MRTFA: variants seen among roughly 807,000 people sequenced by gnomAD.
The protein encoded by MRTFA is myocardin related transcription factor A, also known as myocardin-related transcription factor A.
In MRTFA, 20 loss-of-function variants were observed where a neutral mutation model predicts 83.5. The ratio of observed to expected loss-of-function variants is 0.24; its 90% CI spans 0.17 to 0.35. The LOEUF (loss-of-function observed/expected upper bound fraction) is 0.35. Ranked by LOEUF, MRTFA falls within the 10% of genes least tolerant of loss-of-function variation. The pLI is 1.00. For synonymous variants in MRTFA, 659 were observed against 541.2 expected, an observed-to-expected ratio of 1.22 and a Z score of -3.02; for missense variants, 1,200 against 1,224.7, an observed-to-expected ratio of 0.98 and a Z score of 0.30.
intron 6 of MRTFA, 126 bp from the exon 7 acceptor site, chr22:40,429,893 C>T (rs2053033345): frequency 9.9e-7 from 1 of 1,007,086 alleles, no homozygotes; most frequent in South Asian, 1.6e-5. Context: ...TAAGCATATT[C>T]CAAGCAGAGA....
At chr22:40,538,983 GC>G (rs1399747623) in intron 3 of MRTFA, among the ~76,000 whole-genome samples, 1 of 135,598 alleles carries the variant, frequency 7.4e-6, no homozygotes. Flanking sequence ...AGGATACACA[GC>G]CTTTTGTTTT....
chr22:40,419,898 C>T (rs1047289729), intron 11 of MRTFA, among the ~76,000 whole-genome samples: 1 of 152,174 alleles, frequency 6.6e-6, no homozygotes, highest in Non-Finnish European at 1.5e-5. Flanking sequence ...GATCACAGGC[C>T]GCTCTCTTCC....
chr22:40,541,032 T>C lies in MRTFA; in HGVS notation c.241+11074A>G, dbSNP rs375361100. ...CATACTGAAGGTGTTATTAGAAAACTACATAAAGTATTGAAGTATGGAGTT... is the reference window on the plus strand; with the variant it reads ...CATACTGAAGGTGTTATTAGAAAACCACATAAAGTATTGAAGTATGGAGTT... On this transcript the variant is annotated intron_variant, in intron 3 of 14. Transcript: ENST00000355630. Among the ~76,000 whole-genome samples the C allele has an allele frequency of 4.6e-5, 7 of 152,160 alleles. No individual in the cohort carries two copies. In the South Asian group the frequency reaches 1.0e-3, roughly 22 times the overall value.
chr22:40,479,161 G>C (rs1160111031), intron 3 of MRTFA, among the ~76,000 whole-genome samples: 2 of 152,138 alleles, frequency 1.3e-5, no homozygotes, highest in African/African-American at 4.8e-5. Context: ...CAGCAGGAAA[G>C]AACTACCTGG....
At chr22:40,556,017 A>G (rs1411043582) in intron 2 of MRTFA, among the ~76,000 whole-genome samples, 16 of 152,202 alleles carry the variant, frequency 1.1e-4, no homozygotes, top group Admixed American at 5.9e-4. Flanking sequence ...AGTAAGACAT[A>G]AAACTACATA....
chr22:40,460,250 T>A (rs1249403431), intron 4 of MRTFA, among the ~76,000 whole-genome samples: 2 of 152,054 alleles, frequency 1.3e-5, no homozygotes, highest in Admixed American at 6.6e-5. Context: ...CATAGAATAT[T>A]ACAAGAAATG....
At chr22:40,594,353 C>T (rs1295730722) in intron 2 of MRTFA, among the ~76,000 whole-genome samples, 1 of 152,104 alleles carries the variant, frequency 6.6e-6, no homozygotes, top group Non-Finnish European at 1.5e-5. Context: ...AAACTTCTGC[C>T]CTCAAGGACT....
At chr22:40,508,874 T>A (rs2054624527) in intron 3 of MRTFA, among the ~76,000 whole-genome samples, 1 of 151,342 alleles carries the variant, frequency 6.6e-6, no homozygotes, top group Non-Finnish European at 1.5e-5. Context: ...GAACTTGGTT[T>A]CTAAGATTAT....
chr22:40,459,095 T>A (rs1326393786), intron 4 of MRTFA, among the ~76,000 whole-genome samples: 12 of 142,656 alleles, frequency 8.4e-5, no homozygotes, highest in African/African-American at 2.8e-4. Flanking sequence ...AAAAAAGACA[T>A]GGAGTGGAGG....
chr22:40,530,241 A>G (rs1374062445), intron 3 of MRTFA, among the ~76,000 whole-genome samples: 2 of 152,186 alleles, frequency 1.3e-5, no homozygotes, highest in Non-Finnish European at 2.9e-5. Flanking sequence ...CCATGCCCCA[A>G]TATTCCCTAA....
intron 2 of MRTFA, chr22:40,586,732 GT>G (rs778185871): frequency 1.4e-4 from 40 of 283,084 alleles, no homozygotes; most frequent in East Asian, 9.3e-4. Flanking sequence ...TCTGTGGTAG[GT>G]TTTTTTTTCA....
At chr22:40,490,408 GGC>G (rs1284652050) in intron 3 of MRTFA, among the ~76,000 whole-genome samples, 4 of 152,044 alleles carry the variant, frequency 2.6e-5, no homozygotes, top group African/African-American at 9.7e-5. Flanking sequence ...AGACCATCCT[GGC>G]TAATACGTGA....
chr22:40,495,955 A>G (rs957678688), intron 3 of MRTFA, among the ~76,000 whole-genome samples: 3 of 151,234 alleles, frequency 2.0e-5, no homozygotes, highest in Middle Eastern at 3.4e-3. Context: ...AATCCCAGCT[A>G]CTCGGGAGGC....
chr22:40,450,384 A>G (rs937580453), intron 4 of MRTFA, among the ~76,000 whole-genome samples: 1 of 152,050 alleles, frequency 6.6e-6, no homozygotes, highest in Admixed American at 6.6e-5. Flanking sequence ...TGACACTTCC[A>G]CCACCTGATC....
chr22:40,420,857 C>T lies in MRTFA; in HGVS notation c.1171G>A (p.Ala391Thr). 6.2e-7 allele frequency: 1 copy of T among 1,613,338 alleles called. No individual in the cohort carries two copies. Among genetic ancestry groups the T allele is most frequent in the Non-Finnish European group, 8.5e-7 (1 of 1,179,876 alleles). The change falls in exon 10 of 15, where the codon GCC becomes ACC. Residue 391 changes from alanine to threonine, a missense_variant. Physicochemically the swap from Ala to Thr is moderately conservative, Grantham distance 58 (BLOSUM62 0). Coordinates refer to ENST00000355630, the MANE Select transcript of MRTFA (RefSeq NM_020831.6). ...GGAGCGGGTGCCTACTTTGGCGGGG[C>T]AGGCAGGATGGCCTGGTAGTTGTGG...
chr22:40,583,926 C>T (rs1275193040), intron 2 of MRTFA, among the ~76,000 whole-genome samples: 2 of 152,152 alleles, frequency 1.3e-5, no homozygotes, highest in East Asian at 1.9e-4. Flanking sequence ...GTGCACAGGA[C>T]GAGGTGCTCA....
intron 1 of MRTFA, among the ~76,000 whole-genome samples, chr22:40,619,492 T>G (rs1405177006): frequency 6.6e-6 from 1 of 152,164 alleles, no homozygotes; most frequent in Non-Finnish European, 1.5e-5. Flanking sequence ...AGCAAGGAAT[T>G]TGGAAATTTA....
intron 3 of MRTFA, among the ~76,000 whole-genome samples, chr22:40,483,827 C>T (rs544225426): frequency 1.2e-4 from 18 of 152,166 alleles, no homozygotes; most frequent in African/African-American, 4.3e-4. Context: ...CCTGAGTAAT[C>T]GGGACTACAG....
chr22:40,617,683 C>A (rs1413863786), intron 1 of MRTFA, among the ~76,000 whole-genome samples: 1 of 146,922 alleles, frequency 6.8e-6, no homozygotes, highest in Non-Finnish European at 1.5e-5. Context: ...GCCGAGATCT[C>A]ACCACTGCAC....
Sources: allele counts gnomAD v4.1 joint callset (sites outside exome capture counted in the v4.1 genomes callset), GRCh38; gene constraint gnomAD v4.1.1; transcripts MANE v1.5; gene names NCBI Gene and HGNC (gene_info 2026-07-23, HGNC 2026-07-21).